ANTXR1: variants seen among roughly 807,000 people sequenced by gnomAD.
The protein encoded by ANTXR1 is ANTXR cell adhesion molecule 1.
ANTXR1 carries 19 observed loss-of-function variants against 78.1 expected under a neutral mutation model. That is an observed-to-expected ratio of 0.24 (90% CI 0.17 to 0.36). ANTXR1 has a LOEUF of 0.36. Ranked by LOEUF, ANTXR1 falls within the 10% of genes least tolerant of loss-of-function variation. ANTXR1 has a pLI of 1.00. For missense variants in ANTXR1, 518 were observed against 718.6 expected (o/e 0.72, Z 3.19); for synonymous variants, 273 against 260.5 (o/e 1.05, Z -0.46).
chr2:69,015,722 A>C (rs1671006913), intron 1 of ANTXR1, among the ~76,000 whole-genome samples: 3 of 152,262 alleles, frequency 2.0e-5, no homozygotes, highest in African/African-American at 2.4e-5. Context: ...AGAAACCATA[A>C]AGGAAAATAG....
chr2:69,228,322 A>G (rs556888032), intron 17 of ANTXR1, among the ~76,000 whole-genome samples: 25 of 152,356 alleles, frequency 1.6e-4, no homozygotes, highest in African/African-American at 4.8e-4. Context: ...GAGGCTGGGT[A>G]AGTGTTGGGA....
intron 17 of ANTXR1, among the ~76,000 whole-genome samples, chr2:69,242,887 G>A (rs1265385790): frequency 6.6e-6 from 1 of 152,220 alleles, no homozygotes; most frequent in Admixed American, 6.5e-5. Flanking sequence ...GAACAGCCGG[G>A]AATGTACAGT....
intron 3 of ANTXR1, among the ~76,000 whole-genome samples, chr2:69,057,080 T>C (rs192312579): frequency 6.6e-6 from 1 of 152,272 alleles, no homozygotes; most frequent in Non-Finnish European, 1.5e-5. Context: ...TGTAGATACA[T>C]ATAGCTGGTT....
chr2:69,058,577 A>G (rs913254847), intron 3 of ANTXR1, among the ~76,000 whole-genome samples: 4 of 152,148 alleles, frequency 2.6e-5, no homozygotes, highest in Non-Finnish European at 4.4e-5. Context: ...ACTCATTAGC[A>G]ATGCACCTGG....
intron 13 of ANTXR1, among the ~76,000 whole-genome samples, chr2:69,158,169 T>C (rs2104437705): frequency 6.6e-6 from 1 of 152,362 alleles, no homozygotes; most frequent in Non-Finnish European, 1.5e-5. Context: ...GGCTCAAAGC[T>C]GCTGCTCAGT....
chr2:69,051,785 C>T (rs768953640), intron 3 of ANTXR1, among the ~76,000 whole-genome samples: 1 of 151,996 alleles, frequency 6.6e-6, no homozygotes, highest in Non-Finnish European at 1.5e-5. Flanking sequence ...TAATTTACAT[C>T]ATCTTACTTG....
chr2:69,233,447 TA>T (rs1273004442), intron 17 of ANTXR1, among the ~76,000 whole-genome samples: 6 of 151,814 alleles, frequency 4.0e-5, no homozygotes, highest in Non-Finnish European at 7.4e-5. Flanking sequence ...TTATAAAATA[TA>T]TATCAGTAGG....
chr2:69,103,431 C>A (rs1671698171), intron 10 of ANTXR1: 2 of 163,084 alleles, frequency 1.2e-5, no homozygotes, highest in Non-Finnish European at 2.5e-5. Flanking sequence ...GAAAACCAAA[C>A]CATTAGGCTT....
intron 9 of ANTXR1, among the ~76,000 whole-genome samples, chr2:69,094,906 C>T (rs1374817462): frequency 2.0e-5 from 3 of 151,944 alleles, no homozygotes; most frequent in Admixed American, 6.5e-5. Flanking sequence ...TAACAATTAA[C>T]GGTAAGATAG....
chr2:69,028,141 T>G (rs12620877), intron 1 of ANTXR1, among the ~76,000 whole-genome samples: 41,218 of 152,080 alleles, frequency 0.27, 10,644 homozygotes, highest in African/African-American at 0.64. Context: ...AAATAACTTT[T>G]CATTGCTAAA....
intron 5 of ANTXR1, among the ~76,000 whole-genome samples, chr2:69,072,631 T>C (rs1356679864): frequency 6.6e-6 from 1 of 152,230 alleles, no homozygotes; most frequent in African/African-American, 2.4e-5. Flanking sequence ...ATGTGGTCCA[T>C]TACAGCAGGT....
intron 10 of ANTXR1, among the ~76,000 whole-genome samples, chr2:69,114,517 T>C (rs945029800): frequency 3.9e-5 from 6 of 152,344 alleles, no homozygotes; most frequent in South Asian, 2.1e-4. Context: ...CATCTGGGGC[T>C]ATAATGTAAT....
At chr2:69,086,983 G>A (rs1280469382) in intron 8 of ANTXR1, among the ~76,000 whole-genome samples, 1 of 152,142 alleles carries the variant, frequency 6.6e-6, no homozygotes, top group Non-Finnish European at 1.5e-5. Context: ...ACCTAAATCT[G>A]ATTGATTTTC....
chr2:69,154,447 A>G (rs949561469), intron 13 of ANTXR1, among the ~76,000 whole-genome samples: 21 of 152,192 alleles, frequency 1.4e-4, no homozygotes, highest in African/African-American at 4.6e-4. Context: ...AGAGCAGGGC[A>G]GATTAAGGTC....
intron 17 of ANTXR1, among the ~76,000 whole-genome samples, chr2:69,240,075 G>A (rs1675859391): frequency 6.6e-6 from 1 of 152,356 alleles, no homozygotes; most frequent in East Asian, 1.9e-4. Flanking sequence ...GAGACCATGG[G>A]GAGGTGACTG....
rs141086331 is a variant in ANTXR1 at position 69,245,746 on chromosome 2, G to A, written c.*261G>A. The A allele has an allele frequency of 4.6e-4, 213 of 461,930 alleles. 1 individual carries two copies. The highest frequency in any genetic ancestry group is 2.7e-3 in the African/African-American group (138 of 50,912). The allele number at this position is 461,930 out of a possible 1,614,324, so 28.6% of individuals were successfully genotyped here. ...ACCTCTAGAAGGTTCCAGAGACAGT[G>A]AAACTGCAAGATGCTCTCAACAGGA... On this transcript the variant is annotated 3_prime_UTR_variant, in exon 18 of 18. Coordinates refer to ENST00000303714, the MANE Select transcript of ANTXR1 (RefSeq NM_032208.3).
chr2:69,128,241 A>T (rs1377379079), intron 12 of ANTXR1, among the ~76,000 whole-genome samples: 6 of 151,844 alleles, frequency 4.0e-5, no homozygotes, highest in Non-Finnish European at 5.9e-5. Flanking sequence ...AAAAAAAAAA[A>T]TTTGTTTAGC....
At chr2:69,167,207 A>T (rs1218786585) in intron 13 of ANTXR1, among the ~76,000 whole-genome samples, 3 of 152,238 alleles carry the variant, frequency 2.0e-5, no homozygotes, top group Non-Finnish European at 4.4e-5. Flanking sequence ...AACCTGTGGG[A>T]CATGGGGGCA....
At chr2:69,122,161 T>C (rs1240525485) in intron 10 of ANTXR1, among the ~76,000 whole-genome samples, 1 of 152,184 alleles carries the variant, frequency 6.6e-6, no homozygotes, top group Non-Finnish European at 1.5e-5. Flanking sequence ...TCTTATATCC[T>C]ACCTTGGAAC....
Sources: gnomAD v4.1 joint callset for allele counts (sites outside exome capture counted in the v4.1 genomes callset) on GRCh38, gnomAD v4.1.1 for gene constraint, MANE v1.5 for transcripts, NCBI Gene and HGNC (gene_info 2026-07-23, HGNC 2026-07-21) for gene names.